Variants in SPAG1 observed in about 807,000 individuals in gnomAD.
SPAG1 encodes sperm associated antigen 1.
Under a neutral mutation model 100.5 loss-of-function variants are expected in SPAG1, and 69 were observed. The ratio of observed to expected loss-of-function variants is 0.69; its 90% CI spans 0.57 to 0.84. The LOEUF (loss-of-function observed/expected upper bound fraction) is 0.84. Ranked by LOEUF, SPAG1 falls within the 40% of genes least tolerant of loss-of-function variation. The probability of loss-of-function intolerance (pLI) is 0.00; values close to 1 mark genes in which losing one functional copy is unlikely to be tolerated. For synonymous variants in SPAG1, 336 were observed against 411.6 expected (o/e 0.82, Z 2.22); for missense variants, 955 against 1,133.1 (o/e 0.84, Z 2.26).
At chr8:100,229,790 C>T (rs894296253) in intron 14 of SPAG1, among the ~76,000 whole-genome samples, 3 of 152,176 alleles carry the variant, frequency 2.0e-5, no homozygotes, top group African/African-American at 7.2e-5. Flanking sequence ...ACAGAAAGCC[C>T]AACTTATAAT....
At chr8:100,213,061 C>T in intron 10 of SPAG1, 29 bp from the exon 11 acceptor site, 6 of 1,422,918 alleles carry the variant, frequency 4.2e-6, no homozygotes, top group Admixed American at 3.0e-5. Context: ...TGATGCAAAC[C>T]CTCACTTCCC....
At chr8:100,178,024 G>A in intron 4 of SPAG1, 83 bp downstream of exon 4, 1 of 1,196,920 alleles carries the variant, frequency 8.4e-7, no homozygotes, top group South Asian at 1.4e-5. Context: ...TTTAATTGGA[G>A]CAGCCTATGT....
intron 8 of SPAG1, among the ~76,000 whole-genome samples, 175 bp from the exon 9 acceptor site, chr8:100,191,215 A>G (rs1329233530): frequency 2.6e-5 from 4 of 152,110 alleles, no homozygotes; most frequent in African/African-American, 9.7e-5. Context: ...AGCCTCTTTT[A>G]TGTACCTCAG....
intron 2 of SPAG1, among the ~76,000 whole-genome samples, chr8:100,163,391 T>TTTTC (rs760736396): frequency 1.1e-4 from 16 of 152,054 alleles, no homozygotes; most frequent in Admixed American, 7.2e-4. Context: ...TTTGGATTTC[T>TTTTC]TTTCTTTCTT....
chr8:100,235,150 G>A (rs1284595079), intron 16 of SPAG1, among the ~76,000 whole-genome samples: 1 of 152,112 alleles, frequency 6.6e-6, no homozygotes, highest in Non-Finnish European at 1.5e-5. Flanking sequence ...CTATGTCTCT[G>A]GCTTACAGTT....
At position 100,187,105 on chromosome 8, in the gene SPAG1, CTG is replaced by C; in HGVS notation, c.702-13_702-12del. On this transcript the variant is annotated splice_polypyrimidine_tract_variant and intron_variant, in intron 7 of 18. Coordinates refer to ENST00000388798, the MANE Select transcript of SPAG1 (RefSeq NM_003114.5). ...CCTTAGGCTTGCTTGTTGCCAGTAACTGTTTCTTTTCTAGGAGCATATCAGCG... is the reference window on the plus strand; with the variant it reads ...CCTTAGGCTTGCTTGTTGCCAGTAACTTTCTTTTCTAGGAGCATATCAGCG... 1 of 1,596,030 alleles carries C rather than the reference CTG, an allele frequency of 6.3e-7. No individual in the cohort carries two copies.
At chr8:100,180,269 T>C (rs1816311102) in intron 4 of SPAG1, among the ~76,000 whole-genome samples, 1 of 152,140 alleles carries the variant, frequency 6.6e-6, no homozygotes, top group South Asian at 2.1e-4. Context: ...GCCCTAGTGG[T>C]CAAGGCTGCA....
At chr8:100,195,047 C>A (rs1247256155) in intron 10 of SPAG1, among the ~76,000 whole-genome samples, 6 of 151,860 alleles carry the variant, frequency 4.0e-5, no homozygotes, top group Non-Finnish European at 8.8e-5. Context: ...CACCTGTAAC[C>A]CCAGTTACTC....
In SPAG1 at chr8:100,241,126, G is replaced by A. The variant is rs1819255146; in HGVS notation, c.*104G>A. ...CATGGATAAAACTTGGCCTAGAAAA[G>A]TTTGGTCTGCACTATAAAACATTTT... On this transcript the variant is annotated 3_prime_UTR_variant, in exon 19 of 19. Transcript: ENST00000388798. The surrounding 1 kb of genome is among the most constrained non-coding windows in gnomAD (Gnocchi z 5.1). 8.4e-7 allele frequency: 1 copy of A among 1,194,650 alleles called. No homozygotes were observed. Among genetic ancestry groups the A allele is most frequent in the African/African-American group, 1.5e-5 (1 of 65,384 alleles). 74.0% of individuals were successfully genotyped at this position (1,194,650 alleles called of 1,614,324 possible).
chr8:100,209,471 C>T (rs1817634193), intron 10 of SPAG1, among the ~76,000 whole-genome samples: 1 of 148,968 alleles, frequency 6.7e-6, no homozygotes, highest in Non-Finnish European at 1.5e-5. Flanking sequence ...TGATTTTGCT[C>T]TATTTTTTCA....
At position 100,231,277 on chromosome 8, in the gene SPAG1, A is replaced by G; in HGVS notation, c.1977A>G (p.Ile659Met). Residue 659 changes from isoleucine to methionine, a missense_variant, in exon 15 of 19, where the codon ATA (isoleucine) becomes ATG (methionine). Transcript: ENST00000388798. ...AGATTAACAATAAGGAATGTGCCATATATACAAACAGGCAAGTTCTTTGTA... is the reference window on the plus strand; with the variant it reads ...AGATTAACAATAAGGAATGTGCCATGTATACAAACAGGCAAGTTCTTTGTA... Reference protein sequence around the residue: ...CLKINNKECAIYTNRALCYLK... With the variant: ...CLKINNKECAMYTNRALCYLK... The G allele has an allele frequency of 6.4e-7, 1 of 1,555,078 alleles. No individual in the cohort carries two copies. The highest frequency in any genetic ancestry group is 8.7e-7 in the Non-Finnish European group (1 of 1,147,520).
At chr8:100,196,486 A>C (rs904745258) in intron 10 of SPAG1, among the ~76,000 whole-genome samples, 1 of 152,052 alleles carries the variant, frequency 6.6e-6, no homozygotes, top group Non-Finnish European at 1.5e-5. Flanking sequence ...TTATGTGCTC[A>C]TTTACCATCT....
chr8:100,178,635 T>C (rs1816232891), intron 4 of SPAG1, among the ~76,000 whole-genome samples: 1 of 152,200 alleles, frequency 6.6e-6, no homozygotes, highest in Non-Finnish European at 1.5e-5. Flanking sequence ...TTCTCGTCTT[T>C]TCTTTGAATC....
intron 3 of SPAG1, among the ~76,000 whole-genome samples, chr8:100,171,171 C>G (rs1815832650): frequency 6.6e-6 from 1 of 152,116 alleles, no homozygotes; most frequent in African/African-American, 2.4e-5. Context: ...ATTATACCAA[C>G]CTTACATTCC....
chr8:100,240,396 C>T lies in SPAG1; in HGVS notation c.2281-7C>T, dbSNP rs1446813722. The T allele has an allele frequency of 1.9e-6, 3 of 1,577,240 alleles. No homozygotes were observed. Among genetic ancestry groups the T allele is most frequent in the African/African-American group, 1.4e-5 (1 of 72,826 alleles). Reference sequence around the variant, plus strand: ...TGTCACAATGCATTTTTCTTTTCTTCATGAAGGTGAATGAAGGCAAGGAGG... The same window carrying T: ...TGTCACAATGCATTTTTCTTTTCTTTATGAAGGTGAATGAAGGCAAGGAGG... On this transcript the variant is annotated splice_region_variant and splice_polypyrimidine_tract_variant and intron_variant, in intron 17 of 18. Transcript: ENST00000388798.
At chr8:100,205,759 G>A (rs1817478828) in intron 10 of SPAG1, among the ~76,000 whole-genome samples, 1 of 152,096 alleles carries the variant, frequency 6.6e-6, no homozygotes, top group African/African-American at 2.4e-5. Context: ...GTTCATGCCT[G>A]TAATCCCAGC....
intron 3 of SPAG1, among the ~76,000 whole-genome samples, chr8:100,176,653 C>A (rs1816132379): frequency 6.6e-6 from 1 of 152,218 alleles, no homozygotes; most frequent in Admixed American, 6.5e-5. Context: ...GCGTGAGCCA[C>A]CACGCCCAGC....
intron 12 of SPAG1, among the ~76,000 whole-genome samples, chr8:100,217,436 A>G (rs551831638): frequency 6.6e-5 from 10 of 152,158 alleles, no homozygotes; most frequent in African/African-American, 2.2e-4. Context: ...GTGTTTGGAG[A>G]GTGGCCATTT....
At chr8:100,216,138 T>G (rs1364417170) in intron 12 of SPAG1, among the ~76,000 whole-genome samples, 1 of 152,154 alleles carries the variant, frequency 6.6e-6, no homozygotes, top group Non-Finnish European at 1.5e-5. Flanking sequence ...TCCTTTTTTC[T>G]TTACCCAGAG....
Sources: allele counts gnomAD v4.1 joint callset (sites outside exome capture counted in the v4.1 genomes callset), GRCh38; gene constraint gnomAD v4.1.1; non-coding constraint Gnocchi (gnomAD v3.1); transcripts MANE v1.5; gene names NCBI Gene and HGNC (gene_info 2026-07-23, HGNC 2026-07-21).